Variants in SCFD2 observed in about 807,000 individuals in gnomAD.
SCFD2 encodes sec1 family domain containing 2.
SCFD2 carries 54 observed loss-of-function variants against 58.9 expected under a neutral mutation model. The observed-to-expected ratio is 0.92, with a 90% CI of 0.74 to 1.15. The LOEUF (loss-of-function observed/expected upper bound fraction) is 1.15, where lower values mean the gene tolerates loss of function less well. SCFD2 is among the 50% of genes most tolerant of loss of function. The pLI is 0.00. For synonymous variants in SCFD2, 321 were observed against 335.9 expected, an observed-to-expected ratio of 0.96 and a Z score of 0.49; for missense variants, 805 against 836.6, an observed-to-expected ratio of 0.96 and a Z score of 0.47.
intron 5 of SCFD2, among the ~76,000 whole-genome samples, chr4:53,078,363 C>A (rs1237019678): frequency 6.6e-6 from 1 of 152,062 alleles, no homozygotes; most frequent in African/African-American, 2.4e-5. Flanking sequence ...GGCAAGAAAT[C>A]CATTTTAGTT....
rs761229349 is a variant in SCFD2 at position 52,876,756 on chromosome 4, G to GAAAA, written c.1963-2699_1963-2696dup. Among the ~76,000 whole-genome samples the GAAAA allele has an allele frequency of 6.3e-4, 34 of 54,306 alleles. 1 individual carries two copies. The highest frequency in any genetic ancestry group is 9.1e-4 in the Admixed American group (4 of 4,378). 35.6% of individuals were successfully genotyped at this position (54,306 alleles called of 152,430 possible). A position where few individuals can be genotyped will look rare whatever the true frequency, so the allele number is the denominator to read the frequency against. ...CAGAGCGAAACTCTGTCTCTGTCTCGAAAAAAAAAAAAAAAAAAAAAAAAA... is the reference window on the plus strand; with the variant it reads ...CAGAGCGAAACTCTGTCTCTGTCTCGAAAAAAAAAAAAAAAAAAAAAAAAAAAAA... On this transcript the variant is annotated intron_variant, in intron 8 of 8. Coordinates refer to ENST00000401642, the MANE Select transcript of SCFD2 (RefSeq NM_152540.4).
chr4:53,024,297 A>T (rs1438801904), intron 5 of SCFD2, among the ~76,000 whole-genome samples: 1 of 152,112 alleles, frequency 6.6e-6, no homozygotes, highest in Non-Finnish European at 1.5e-5. Flanking sequence ...ATTTAACTCA[A>T]ACTGGCTAAC....
chr4:53,104,835 T>C (rs1266631655), intron 5 of SCFD2, among the ~76,000 whole-genome samples: 1 of 152,118 alleles, frequency 6.6e-6, no homozygotes, highest in African/African-American at 2.4e-5. Context: ...GCTCATGGGG[T>C]CATACAGCGC....
At chr4:53,122,343 C>G (rs1725501669) in intron 5 of SCFD2, among the ~76,000 whole-genome samples, 2 of 151,856 alleles carry the variant, frequency 1.3e-5, no homozygotes, top group Admixed American at 1.3e-4. Context: ...TGCCACTGCA[C>G]TTCAGCCTGG....
intron 5 of SCFD2, among the ~76,000 whole-genome samples, chr4:52,992,755 C>A (rs910480801): frequency 2.0e-5 from 3 of 152,084 alleles, no homozygotes; most frequent in African/African-American, 7.2e-5. Context: ...GCCCGGCAGC[C>A]GCCCCATGTG....
intron 5 of SCFD2, among the ~76,000 whole-genome samples, chr4:53,102,506 T>C (rs1264398313): frequency 6.6e-6 from 1 of 152,024 alleles, no homozygotes; most frequent in Admixed American, 6.6e-5. Flanking sequence ...CTAATATTCA[T>C]AATTTATAAA....
At chr4:53,009,655 T>C (rs1235140438) in intron 5 of SCFD2, among the ~76,000 whole-genome samples, 9 of 152,178 alleles carry the variant, frequency 5.9e-5, no homozygotes, top group South Asian at 4.1e-4. Flanking sequence ...ATAACCTCCA[T>C]TTATAGACAC....
intron 4 of SCFD2, among the ~76,000 whole-genome samples, chr4:53,156,677 G>A (rs551907696): frequency 3.9e-5 from 6 of 152,212 alleles, no homozygotes; most frequent in Non-Finnish European, 7.3e-5. Context: ...CAGCTTGGGC[G>A]ACAGAGTGAG....
chr4:52,990,192 T>C (rs1721587364), intron 5 of SCFD2, among the ~76,000 whole-genome samples: 1 of 152,222 alleles, frequency 6.6e-6, no homozygotes, highest in East Asian at 1.9e-4. Flanking sequence ...TTCTGAAGAA[T>C]GAGCTGGTGA....
chr4:53,195,155 T>G (rs1291207342), intron 4 of SCFD2, among the ~76,000 whole-genome samples: 1 of 152,130 alleles, frequency 6.6e-6, no homozygotes, highest in Non-Finnish European at 1.5e-5. Context: ...AGCCTCTGTA[T>G]CCCAGCTTCG....
At chr4:52,920,897 G>C (rs1469987269) in intron 5 of SCFD2, 27 bp from the exon 6 acceptor site, 1 of 1,545,760 alleles carries the variant, frequency 6.5e-7, no homozygotes, top group South Asian at 1.2e-5. Flanking sequence ...ATATTTTCTT[G>C]AGTGAGTAAA....
intron 4 of SCFD2, among the ~76,000 whole-genome samples, chr4:53,184,816 A>G (rs7654397): frequency 0.69 from 105,340 of 151,758 alleles, 36,805 homozygotes; most frequent in Middle Eastern, 0.78. Flanking sequence ...AGAAGCTTGG[A>G]AACTTCTTAC....
chr4:53,129,746 A>G (rs1343633353), intron 5 of SCFD2, among the ~76,000 whole-genome samples: 2 of 152,218 alleles, frequency 1.3e-5, no homozygotes, highest in African/African-American at 4.8e-5. Context: ...CAGCACCAAC[A>G]TTGTCAACAA....
chr4:53,183,617 C>T (rs189243665), intron 4 of SCFD2, among the ~76,000 whole-genome samples: 11 of 151,092 alleles, frequency 7.3e-5, no homozygotes, highest in East Asian at 3.9e-4. Flanking sequence ...CAGACCTGCA[C>T]GTTGTGCACA....
At chr4:53,170,004 GT>G (rs1315376087) in intron 4 of SCFD2, among the ~76,000 whole-genome samples, 1 of 152,056 alleles carries the variant, frequency 6.6e-6, no homozygotes, top group Non-Finnish European at 1.5e-5. Context: ...TCTGTTAATT[GT>G]TTCCTTTACT....
At chr4:53,342,360 A>C in intron 2 of SCFD2, among the ~76,000 whole-genome samples, 1 of 152,186 alleles carries the variant, frequency 6.6e-6, no homozygotes, top group Non-Finnish European at 1.5e-5. Flanking sequence ...AGAGACAAAG[A>C]AGGCCATTAC....
intron 5 of SCFD2, among the ~76,000 whole-genome samples, chr4:53,002,416 G>C (rs1231932304): frequency 6.6e-6 from 1 of 152,084 alleles, no homozygotes; most frequent in African/African-American, 2.4e-5. Flanking sequence ...AGCACTGGGT[G>C]GGGTATCTTT....
chr4:53,154,148 T>C (rs1726592710), intron 4 of SCFD2, among the ~76,000 whole-genome samples: 1 of 152,208 alleles, frequency 6.6e-6, no homozygotes, highest in Non-Finnish European at 1.5e-5. Flanking sequence ...CAATACCCCA[T>C]TCCTCGTACC....
chr4:53,038,694 G>GT (rs879685463), intron 5 of SCFD2, among the ~76,000 whole-genome samples: 2,055 of 140,164 alleles, frequency 0.015, 18 homozygotes, highest in Middle Eastern at 0.033. Context: ...AAAGTTTTTT[G>GT]TTTTTTTTTT....
Sources: gnomAD v4.1 joint callset for allele counts (sites outside exome capture counted in the v4.1 genomes callset) on GRCh38, gnomAD v4.1.1 for gene constraint, MANE v1.5 for transcripts, NCBI Gene and HGNC (gene_info 2026-07-23, HGNC 2026-07-21) for gene names.